Variants in CXCL16 observed in about 807,000 individuals in gnomAD.
The protein encoded by CXCL16 is C-X-C motif chemokine ligand 16.
Under a neutral mutation model 23.8 loss-of-function variants are expected in CXCL16, and 18 were observed. The observed-to-expected ratio is 0.76, with a 90% CI of 0.52 to 1.12. The LOEUF (loss-of-function observed/expected upper bound fraction) is 1.12. Ranked by LOEUF, CXCL16 falls within the 50% of genes most tolerant of loss-of-function variation. The pLI is 0.00. For missense variants in CXCL16, 297 were observed against 315.4 expected, an observed-to-expected ratio of 0.94 and a Z score of 0.44; for synonymous variants, 123 against 132.5, an observed-to-expected ratio of 0.93 and a Z score of 0.49.
At chr17:4,737,886 C>T (rs1247982734) in intron 3 of CXCL16, among the ~76,000 whole-genome samples, 1 of 151,232 alleles carries the variant, frequency 6.6e-6, no homozygotes, top group African/African-American at 2.4e-5. Flanking sequence ...AATCCTAGCA[C>T]TTTTGGAGGC....
In CXCL16 at chr17:4,737,675, G is replaced by A. The variant is rs543147380; in HGVS notation, c.301+733C>T. On this transcript the variant is annotated intron_variant, in intron 3 of 5. Transcript: ENST00000293778. ...ATGGATACTTAATAAAGCAAATATCGTGTAATTGCTGTAAAATTGATAGTG... is the reference window on the plus strand; with the variant it reads ...ATGGATACTTAATAAAGCAAATATCATGTAATTGCTGTAAAATTGATAGTG... Among the ~76,000 whole-genome samples, 47 of 149,956 alleles carry A rather than the reference G, an allele frequency of 3.1e-4. 4 individuals are homozygous for A. Among genetic ancestry groups the A allele is most frequent in the African/African-American group, 9.6e-4 (39 of 40,730 alleles).
chr17:4,739,018 G>A lies in CXCL16; in HGVS notation c.80-98C>T. On this transcript the variant is annotated intron_variant, in intron 1 of 5. Coordinates refer to ENST00000293778, the MANE Select transcript of CXCL16 (RefSeq NM_001386809.1). This position sits in a 1 kb window ranked among gnomAD's most constrained non-coding sequence, Gnocchi z 5.3. ...ATCCACAGCCCCATGACAGCCTCTC[G>A]GTGGACCCAGGGTCAGAGCGCCAGG... is the stretch of plus-strand genomic sequence containing the variant. 1 of 1,442,204 alleles carries A rather than the reference G, an allele frequency of 6.9e-7. No homozygotes were observed. Among genetic ancestry groups the A allele is most frequent in the Non-Finnish European group, 9.4e-7 (1 of 1,066,778 alleles). 89.3% of individuals were successfully genotyped at this position (1,442,204 alleles called of 1,614,324 possible). A position where few individuals can be genotyped will look rare whatever the true frequency, so the allele number is the denominator to read the frequency against.
chr17:4,738,691 AAGG>A lies in CXCL16; in HGVS notation c.218+88_218+90del, dbSNP rs1916239021. On this transcript the variant is annotated intron_variant, in intron 2 of 5. Coordinates refer to ENST00000293778, the MANE Select transcript of CXCL16 (RefSeq NM_001386809.1). The surrounding 1 kb of genome is among the most constrained non-coding windows in gnomAD (Gnocchi z 4.0). ...CGGAGATGGGGCTCGGTGAGCCGGG[AAGG>A]AGTTCAGGCTGGACCAGAGAGGGTC... The A allele has an allele frequency of 2.9e-6, 4 of 1,359,328 alleles. No homozygotes were observed. In the Admixed American group the frequency reaches 9.0e-5, roughly 31 times the overall value. The allele number at this position is 1,359,328 out of a possible 1,614,324, so 84.2% of individuals were successfully genotyped here.
chr17:4,738,320 A>G lies in CXCL16; in HGVS notation c.301+88T>C, dbSNP rs114182682. The G allele has an allele frequency of 1.1e-3, 1,116 of 1,016,892 alleles. 3 individuals are homozygous for G. In the African/African-American group the frequency reaches 0.016, roughly 14 times the overall value. The allele number at this position is 1,016,892 out of a possible 1,614,324, so 63.0% of individuals were successfully genotyped here. On this transcript the variant is annotated intron_variant, in intron 3 of 5. Coordinates refer to ENST00000293778, the MANE Select transcript of CXCL16 (RefSeq NM_001386809.1). The surrounding 1 kb of genome is among the most constrained non-coding windows in gnomAD (Gnocchi z 4.0). ...GAAGGTTCTAGGAATGTGCGGCCCCAGGGGAAAAGGCTCAGGTAAAGAAAA... is the reference window on the plus strand; with the variant it reads ...GAAGGTTCTAGGAATGTGCGGCCCCGGGGGAAAAGGCTCAGGTAAAGAAAA...
rs1051009 is a variant in CXCL16, at chr17:4,734,591, G to A, written c.*15C>T. On this transcript the variant is annotated 3_prime_UTR_variant, in exon 5 of 6. Transcript: ENST00000293778. The stretch of plus-strand genomic sequence containing the variant: ...AATAAGCCACAGTTTACCCTCACAA[G>A]CTTCCATTCTTGGCTCAGGTATTAG... 0.34 allele frequency: 536,644 copies of A among 1,594,374 alleles called. 95,233 individuals are homozygous for A. The highest frequency in any genetic ancestry group is 0.5 in the East Asian group (22,230 of 44,714).
intron 4 of CXCL16, 100 bp from the exon 5 acceptor site, chr17:4,734,752 T>C: frequency 9.7e-7 from 1 of 1,030,944 alleles, no homozygotes. Flanking sequence ...ACATCAACAC[T>C]ATGACCTGGC....
Position 4,739,776 on chromosome 17 carries a change from ACC to A in CXCL16, c.-439_-438del. Reference sequence around the variant, plus strand: ...ACCTGTGAGGCGGCTGCACTGCCGGACCGGCCCTCCTCCTCCGAGGCACTTTC... The same window carrying A: ...ACCTGTGAGGCGGCTGCACTGCCGGAGGCCCTCCTCCTCCGAGGCACTTTC... On this transcript the variant is annotated 5_prime_UTR_variant, in exon 1 of 6. An upstream open reading frame in the 5' UTR loses its in-frame stop. Coordinates refer to ENST00000293778, the MANE Select transcript of CXCL16 (RefSeq NM_001386809.1). The surrounding 1 kb of genome is among the most constrained non-coding windows in gnomAD (Gnocchi z 5.3). 1 of 1,040,316 alleles carries A rather than the reference ACC, an allele frequency of 9.6e-7. No individual in the cohort carries two copies. The highest frequency in any genetic ancestry group is 1.7e-5 in the African/African-American group (1 of 58,840). The allele number at this position is 1,040,316 out of a possible 1,614,324, so 64.4% of individuals were successfully genotyped here.
At position 4,739,736 on chromosome 17, in the gene CXCL16, C is replaced by T. The variant is rs1916292738; in HGVS notation, c.-397G>A. On this transcript the variant is annotated 5_prime_UTR_variant, in exon 1 of 6. Coordinates refer to ENST00000293778, the MANE Select transcript of CXCL16 (RefSeq NM_001386809.1). The surrounding 1 kb of genome is among the most constrained non-coding windows in gnomAD (Gnocchi z 5.3). ...CGGTTCGGTTCAGGAGGCCGCCCGC[C>T]TGGCCCGTCCGCCGACCTGTGAGGC... 2.8e-6 allele frequency: 3 copies of T among 1,056,968 alleles called. No homozygotes were observed. Among genetic ancestry groups the T allele is most frequent in the East Asian group, 1.1e-4 (2 of 17,674 alleles). 65.5% of individuals were successfully genotyped at this position (1,056,968 alleles called of 1,614,324 possible).
chr17:4,739,159 C>T lies in CXCL16; in HGVS notation c.79+102G>A. On this transcript the variant is annotated intron_variant, in intron 1 of 5. Transcript: ENST00000293778. This position sits in a 1 kb window ranked among gnomAD's most constrained non-coding sequence, Gnocchi z 5.3. ...CTGGCTGGCTTTCCTCTTGTCCCCGCTGCCTTCATCCACTCAACTCCGTGG... is the reference window on the plus strand; with the variant it reads ...CTGGCTGGCTTTCCTCTTGTCCCCGTTGCCTTCATCCACTCAACTCCGTGG... 1 of 1,434,856 alleles carries T rather than the reference C, an allele frequency of 7.0e-7. No homozygotes were observed. The highest frequency in any genetic ancestry group is 1.3e-5 in the South Asian group (1 of 77,330). 88.9% of individuals were successfully genotyped at this position (1,434,856 alleles called of 1,614,324 possible). A position where few individuals can be genotyped will look rare whatever the true frequency, so the allele number is the denominator to read the frequency against.
chr17:4,739,153 TC>T lies in CXCL16; in HGVS notation c.79+107del. ...AGGCGGCTGGCTGGCTTTCCTCTTG[TC>T]CCCGCTGCCTTCATCCACTCAACTC... On this transcript the variant is annotated intron_variant, in intron 1 of 5. Coordinates refer to ENST00000293778, the MANE Select transcript of CXCL16 (RefSeq NM_001386809.1). This position sits in a 1 kb window ranked among gnomAD's most constrained non-coding sequence, Gnocchi z 5.3. 7.1e-7 allele frequency: 1 copy of T among 1,412,656 alleles called. No homozygotes were observed. Among genetic ancestry groups the T allele is most frequent in the Non-Finnish European group, 9.6e-7 (1 of 1,039,976 alleles). 87.5% of individuals were successfully genotyped at this position (1,412,656 alleles called of 1,614,324 possible).
In CXCL16 at chr17:4,739,413, T is replaced by A. The variant is rs1215913437; in HGVS notation, c.-74A>T. Reference sequence around the variant, plus strand: ...CCCAGACATGCTCCGGCGCGTGACGTCCAGCTGGTGTCTCAATGGCTTTCG... The same window carrying A: ...CCCAGACATGCTCCGGCGCGTGACGACCAGCTGGTGTCTCAATGGCTTTCG... On this transcript the variant is annotated 5_prime_UTR_variant, in exon 1 of 6. Transcript: ENST00000293778. The surrounding 1 kb of genome is among the most constrained non-coding windows in gnomAD (Gnocchi z 5.3). The A allele has an allele frequency of 6.2e-7, 1 of 1,607,976 alleles. No homozygotes were observed. The highest frequency in any genetic ancestry group is 8.5e-7 in the Non-Finnish European group (1 of 1,177,898).
chr17:4,736,473 T>C (rs1916160778), intron 3 of CXCL16: 2 of 152,158 alleles, frequency 1.3e-5, no homozygotes, highest in Admixed American at 6.6e-5. Context: ...TGTCATGAAC[T>C]GGGAAATCAG....
intron 3 of CXCL16, among the ~76,000 whole-genome samples, chr17:4,737,625 G>A (rs1916195627): frequency 1.4e-5 from 2 of 147,900 alleles, no homozygotes; most frequent in South Asian, 2.1e-4. Flanking sequence ...ATAAGGTGAT[G>A]GATGATGGAT....
Position 4,734,604 on chromosome 17 carries a change from G to A in CXCL16, c.*2C>T. ...TTACCCTCACAAGCTTCCATTCTTG[G>A]CTCAGGTATTAGAGTCAGGTGCCAC... is the stretch of plus-strand genomic sequence containing the variant. On this transcript the variant is annotated 3_prime_UTR_variant, in exon 5 of 6. Transcript: ENST00000293778. 1.2e-6 allele frequency: 2 copies of A among 1,609,342 alleles called. No homozygotes were observed. Among genetic ancestry groups the A allele is most frequent in the Non-Finnish European group, 1.7e-6 (2 of 1,175,762 alleles).
Position 4,738,460 on chromosome 17 carries a change from C to T in CXCL16, c.249G>A (p.Gly83=), listed in dbSNP as rs1050997. ...CCTGAACCCATGGGTCCTTGTTGCC[C>T]CCACACACGCTCCAGGAAAGGAGCT... ...RFQLLSWSVC[G]GNKDPWVQEL... The change falls in exon 3 of 6, where the codon GGG becomes GGA. Residue 83 remains glycine (G), a synonymous_variant. Coordinates refer to ENST00000293778, the MANE Select transcript of CXCL16 (RefSeq NM_001386809.1). The surrounding 1 kb of genome is among the most constrained non-coding windows in gnomAD (Gnocchi z 4.0). 1,199,147 of 1,612,134 alleles carry T rather than the reference C, an allele frequency of 0.74. 450,643 individuals are homozygous for T. Among genetic ancestry groups the T allele is most frequent in the Non-Finnish European group, 0.77 (910,369 of 1,178,660 alleles).
rs773167442 is a variant in CXCL16, at chr17:4,734,650, G to C, written c.721C>G (p.Leu241Val). 9 of 1,611,140 alleles carry C rather than the reference G, an allele frequency of 5.6e-6. No individual in the cohort carries two copies. Among genetic ancestry groups the C allele is most frequent in the Non-Finnish European group, 7.6e-6 (9 of 1,177,364 alleles). ...GCCACAGGTATATAATGAACCGGCA[G>C]ATCTGGAAAGGATAAAGAAATTGAG... Reference protein sequence around the residue: ...RGQSPQSSPDLPVHYIPVAPD... With the variant: ...RGQSPQSSPDVPVHYIPVAPD... Residue 241 changes from leucine (L) to valine (V), a missense_variant and splice_region_variant, in exon 5 of 6, where the codon CTG becomes GTG. Physicochemically the swap from Leu to Val is conservative, Grantham distance 32. Transcript: ENST00000293778.
At position 4,738,265 on chromosome 17, in the gene CXCL16, C is replaced by CGG. The variant is rs1916221316; in HGVS notation, c.301+142_301+143insCC. The CGG allele has an allele frequency of 1.6e-6, 1 of 641,056 alleles. No homozygotes were observed. Among genetic ancestry groups the CGG allele is most frequent in the South Asian group, 1.9e-5 (1 of 53,574 alleles). 39.7% of individuals were successfully genotyped at this position (641,056 alleles called of 1,614,324 possible). ...TCACCCCGTTTGGCAAACAGGGACT[C>CGG]GAGTCTAAGTACTTTGGACAGGATC... On this transcript the variant is annotated intron_variant, in intron 3 of 5. Coordinates refer to ENST00000293778, the MANE Select transcript of CXCL16 (RefSeq NM_001386809.1). This position sits in a 1 kb window ranked among gnomAD's most constrained non-coding sequence, Gnocchi z 4.0.
In CXCL16 at chr17:4,739,682, C is replaced by A; in HGVS notation, c.-343G>T. On this transcript the variant is annotated 5_prime_UTR_variant, in exon 1 of 6. Coordinates refer to ENST00000293778, the MANE Select transcript of CXCL16 (RefSeq NM_001386809.1). The surrounding 1 kb of genome is among the most constrained non-coding windows in gnomAD (Gnocchi z 5.3). The stretch of plus-strand genomic sequence containing the variant: ...AACTCCGGCGGCGGGCGAGGAGGGG[C>A]GGGAGGACGACGGCCCGAGGAGCCG... The A allele has an allele frequency of 2.7e-6, 2 of 734,596 alleles. No individual in the cohort carries two copies. Among genetic ancestry groups the A allele is most frequent in the Non-Finnish European group, 2.0e-6 (1 of 510,408 alleles). The allele number at this position is 734,596 out of a possible 1,614,324, so 45.5% of individuals were successfully genotyped here.
chr17:4,737,609 C>T (rs1441865601), intron 3 of CXCL16, among the ~76,000 whole-genome samples: 1 of 124,998 alleles, frequency 8.0e-6, no homozygotes, highest in Non-Finnish European at 1.7e-5. Context: ...AGAAATGCAT[C>T]AAGAAATAAG....
Sources: allele counts gnomAD v4.1 joint callset (sites outside exome capture counted in the v4.1 genomes callset), GRCh38; gene constraint gnomAD v4.1.1; non-coding constraint Gnocchi (gnomAD v3.1); transcripts MANE v1.5; gene names NCBI Gene and HGNC (gene_info 2026-07-23, HGNC 2026-07-21).